Variants in ITGB3BP observed in about 807,000 individuals in gnomAD.
ITGB3BP encodes the protein integrin subunit beta 3 binding protein.
ITGB3BP carries 27 observed loss-of-function variants against 29.1 expected under a neutral mutation model. The observed-to-expected ratio is 0.93, with a 90% CI of 0.68 to 1.28. The LOEUF is 1.28. ITGB3BP is among the 50% of genes most tolerant of loss of function. The pLI is 0.00. For missense variants in ITGB3BP, 192 were observed against 200.2 expected (o/e 0.96, Z 0.25); for synonymous variants, 61 against 61.4 (o/e 0.99, Z 0.03).
chr1:63,472,224 G>C (rs918695104), intron 4 of ITGB3BP, among the ~76,000 whole-genome samples: 1 of 151,760 alleles, frequency 6.6e-6, no homozygotes, highest in Non-Finnish European at 1.5e-5. Flanking sequence ...ACATCTCATG[G>C]TGAGTTTCTA....
chr1:63,447,590 A>T, intron 7 of ITGB3BP: 1 of 499,602 alleles, frequency 2.0e-6, no homozygotes, highest in Non-Finnish European at 4.0e-6. Flanking sequence ...AGAGCTTCAC[A>T]GAGGTTGTGA....
Position 63,472,453 on chromosome 1 carries a change from C to CTCCCTCTCCCCTCTCCCT in ITGB3BP, c.254+6310_254+6311insAGGGAGAGGGGAGAGGGA, listed in dbSNP as rs1645217167. 2.2e-5 allele frequency among the ~76,000 whole-genome samples: 3 copies of CTCCCTCTCCCCTCTCCCT among 135,594 alleles called. No individual in the cohort carries two copies. The Admixed American group carries it at 2.2e-4, about 10-fold the overall frequency. 89.0% of individuals were successfully genotyped at this position (135,594 alleles called of 152,430 possible). A position where few individuals can be genotyped will look rare whatever the true frequency, so the allele number is the denominator to read the frequency against. Reference sequence around the variant, plus strand: ...TCCACCCTCTCCCTCTCCCTCTCCCCTCTCCCCTCTCCCCTCTCCCCTCTC... The same window carrying CTCCCTCTCCCCTCTCCCT: ...TCCACCCTCTCCCTCTCCCTCTCCCCTCCCTCTCCCCTCTCCCTTCTCCCCTCTCCCCTCTCCCCTCTC... On this transcript the variant is annotated intron_variant, in intron 4 of 8. Transcript: ENST00000271002.
chr1:63,525,660 A>C, upstream of ITGB3BP: 1 of 1,601,350 alleles, frequency 6.2e-7, no homozygotes, highest in Non-Finnish European at 8.5e-7. Context: ...ATTTCCACTA[A>C]CTGAAGAGGA....
At chr1:63,518,585 C>T (rs1421075064) in intron 1 of ITGB3BP, among the ~76,000 whole-genome samples, 8 of 147,590 alleles carry the variant, frequency 5.4e-5, no homozygotes, top group Non-Finnish European at 6.0e-5. Flanking sequence ...CCTTTCTTTT[C>T]TTTCTTTTTT....
intron 4 of ITGB3BP, among the ~76,000 whole-genome samples, chr1:63,468,295 G>A (rs1354231505): frequency 2.0e-5 from 3 of 152,164 alleles, no homozygotes; most frequent in African/African-American, 7.2e-5. Flanking sequence ...TAAGACTTTG[G>A]TAGTCTTTAA....
rs1247322849 is a variant in ITGB3BP, at chr1:63,454,903, A to C, written c.320T>G (p.Leu107Ter). ...AAAAATGCAAACCTGTATACTACTT[A>C]AATTTTGCATTATCTCCATGATTTC... is the stretch of plus-strand genomic sequence containing the variant. ...SEEIMEIMQN[L>*]SSIQALEGSR... The change falls in exon 5 of 9, where the codon TTA (leucine) becomes TGA (stop). Residue 107 changes from leucine (L) to a stop codon, truncating the protein, a stop_gained. Transcript: ENST00000271002. LOFTEE classifies it high-confidence loss of function. This position sits in a 1 kb window ranked among gnomAD's most constrained non-coding sequence, Gnocchi z 4.1. 1 of 1,528,942 alleles carries C rather than the reference A, an allele frequency of 6.5e-7. No individual in the cohort carries two copies. The highest frequency in any genetic ancestry group is 1.7e-5 in the Admixed American group (1 of 59,484). The allele number at this position is 1,528,942 out of a possible 1,614,324, so 94.7% of individuals were successfully genotyped here. A position where few individuals can be genotyped will look rare whatever the true frequency, so the allele number is the denominator to read the frequency against.
chr1:63,522,228 G>A (rs946791424), intron 1 of ITGB3BP, among the ~76,000 whole-genome samples: 2 of 152,160 alleles, frequency 1.3e-5, no homozygotes, highest in Non-Finnish European at 2.9e-5. Flanking sequence ...TGTAATTCAA[G>A]ATTCAATAAA....
intron 1 of ITGB3BP, among the ~76,000 whole-genome samples, chr1:63,513,408 T>C (rs1174168379): frequency 6.6e-6 from 1 of 152,186 alleles, no homozygotes; most frequent in East Asian, 1.9e-4. Context: ...GTTTAACCTA[T>C]GTACCCATAA....
chr1:63,486,316 T>C (rs560747302), intron 3 of ITGB3BP, among the ~76,000 whole-genome samples: 88 of 152,130 alleles, frequency 5.8e-4, no homozygotes, highest in African/African-American at 2.1e-3. Flanking sequence ...TGCATACAAC[T>C]GACCCTTGAG....
intron 4 of ITGB3BP, among the ~76,000 whole-genome samples, chr1:63,473,047 C>T (rs28613246): frequency 0.34 from 50,781 of 151,030 alleles, 8,693 homozygotes; most frequent in East Asian, 0.48. Flanking sequence ...TCTTCCCCAC[C>T]GCCATCCCAT....
chr1:63,502,513 C>CTTT (rs66468422), intron 2 of ITGB3BP, among the ~76,000 whole-genome samples: 92 of 141,996 alleles, frequency 6.5e-4, no homozygotes, highest in African/African-American at 1.8e-3. Context: ...AAAGGCACTT[C>CTTT]TTTTTTTTTT....
intron 2 of ITGB3BP, among the ~76,000 whole-genome samples, chr1:63,504,300 T>G (rs1236759704): frequency 6.6e-6 from 1 of 151,940 alleles, no homozygotes; most frequent in Non-Finnish European, 1.5e-5. Context: ...TCACTCATGA[T>G]TTGGCTCTGT....
At chr1:63,447,744 G>T (rs1482515411) in intron 7 of ITGB3BP, 1 of 408,226 alleles carries the variant, frequency 2.4e-6, no homozygotes, top group Non-Finnish European at 4.9e-6. Context: ...CTGTAAACTA[G>T]TTCAACCATT....
chr1:63,445,243 G>GCT (rs1644776469), intron 8 of ITGB3BP, among the ~76,000 whole-genome samples: 1 of 152,042 alleles, frequency 6.6e-6, no homozygotes, highest in Non-Finnish European at 1.5e-5. Flanking sequence ...CCGAGATCGT[G>GCT]CCACTGCACT....
intron 4 of ITGB3BP, among the ~76,000 whole-genome samples, chr1:63,473,132 G>C (rs951726661): frequency 1.3e-5 from 2 of 149,834 alleles, no homozygotes; most frequent in Non-Finnish European, 3.0e-5. Flanking sequence ...CTGCCGCCCT[G>C]TCTGGGATGT....
At chr1:63,488,143 C>G (rs1645567992) in intron 3 of ITGB3BP, among the ~76,000 whole-genome samples, 1 of 152,058 alleles carries the variant, frequency 6.6e-6, no homozygotes. Flanking sequence ...ATTAAGTCTT[C>G]TGTTCACATA....
chr1:63,442,061 C>T (rs76819611), intron 8 of ITGB3BP, among the ~76,000 whole-genome samples: 1 of 152,146 alleles, frequency 6.6e-6, no homozygotes, highest in African/African-American at 2.4e-5. Context: ...TGCAGTCCAG[C>T]CAGGGCGACA....
At chr1:63,513,566 T>C (rs1646247020) in intron 1 of ITGB3BP, among the ~76,000 whole-genome samples, 1 of 152,222 alleles carries the variant, frequency 6.6e-6, no homozygotes, top group Non-Finnish European at 1.5e-5. Context: ...ATGTGTTCAC[T>C]GTTACTTACG....
intron 4 of ITGB3BP, chr1:63,457,367 C>T (rs940077084): frequency 6.6e-6 from 1 of 152,134 alleles, no homozygotes; most frequent in East Asian, 1.9e-4. Context: ...AAACATCCTA[C>T]TTGTGCTGAA....
Sources: allele counts gnomAD v4.1 joint callset (sites outside exome capture counted in the v4.1 genomes callset), GRCh38; gene constraint gnomAD v4.1.1; non-coding constraint Gnocchi (gnomAD v3.1); transcripts MANE v1.5; gene names NCBI Gene and HGNC (gene_info 2026-07-23, HGNC 2026-07-21).